Variants in ADAMTS6 observed in about 807,000 individuals in gnomAD.
The protein encoded by ADAMTS6 is A disintegrin and metalloproteinase with thrombospondin motifs 6.
In ADAMTS6, 23 loss-of-function variants were observed where a neutral mutation model predicts 144.3. That is an observed-to-expected ratio of 0.16 (90% CI 0.11 to 0.23). The LOEUF (loss-of-function observed/expected upper bound fraction) is 0.23. Among genes scored for constraint, ADAMTS6 ranks in the 10% least tolerant of loss-of-function variants. ADAMTS6 has a pLI of 1.00. For missense variants in ADAMTS6, 999 were observed against 1,379.6 expected (o/e 0.72, Z 4.37); for synonymous variants, 444 against 457.5 (o/e 0.97, Z 0.38).
rs567652523 is a variant in ADAMTS6 at position 65,310,823 on chromosome 5, G to A, written c.1224-10692C>T. On this transcript the variant is annotated intron_variant, in intron 9 of 24. Coordinates refer to ENST00000381055, the MANE Select transcript of ADAMTS6 (RefSeq NM_197941.4). Reference sequence around the variant, plus strand: ...TAAGTATTATCAAAAAGTTCTATAGGTAAATGACTCTGATTTTATTTTATG... The same window carrying A: ...TAAGTATTATCAAAAAGTTCTATAGATAAATGACTCTGATTTTATTTTATG... Among the ~76,000 whole-genome samples, 3 of 152,212 alleles carry A rather than the reference G, an allele frequency of 2.0e-5. No homozygotes were observed. In the East Asian group the frequency reaches 5.8e-4, roughly 29 times the overall value.
chr5:65,376,021 A>G, intron 7 of ADAMTS6, among the ~76,000 whole-genome samples: 1 of 151,978 alleles, frequency 6.6e-6, no homozygotes, highest in Non-Finnish European at 1.5e-5. Context: ...ACAAAAAAAC[A>G]AAGACCGCAT....
At chr5:65,350,991 G>A (rs1163149821) in intron 7 of ADAMTS6, among the ~76,000 whole-genome samples, 5 of 151,824 alleles carry the variant, frequency 3.3e-5, no homozygotes, top group African/African-American at 1.2e-4. Context: ...TGGACTTTAT[G>A]CTATTTTCCC....
At chr5:65,404,794 T>G (rs1214391752) in intron 7 of ADAMTS6, among the ~76,000 whole-genome samples, 1 of 152,212 alleles carries the variant, frequency 6.6e-6, no homozygotes, top group Non-Finnish European at 1.5e-5. Flanking sequence ...CTCCACATCC[T>G]CTCCAGCACC....
intron 11 of ADAMTS6, among the ~76,000 whole-genome samples, chr5:65,285,491 T>C (rs1355245696): frequency 6.6e-6 from 1 of 152,170 alleles, no homozygotes; most frequent in African/African-American, 2.4e-5. Flanking sequence ...CTTCCCCTCA[T>C]GGCAGTTACA....
chr5:65,451,157 T>C (rs1019367160), intron 7 of ADAMTS6, among the ~76,000 whole-genome samples: 2 of 152,216 alleles, frequency 1.3e-5, no homozygotes, highest in Non-Finnish European at 2.9e-5. Flanking sequence ...GTTTTAATCT[T>C]GTTTTAGTAT....
chr5:65,299,794 T>C (rs1251009924), intron 10 of ADAMTS6, among the ~76,000 whole-genome samples, 191 bp downstream of exon 10: 1 of 146,902 alleles, frequency 6.8e-6, no homozygotes, highest in Non-Finnish European at 1.5e-5. Flanking sequence ...CCACTTCCTC[T>C]ATTCTATAAA....
At chr5:65,347,732 T>C (rs1056433454) in intron 7 of ADAMTS6, among the ~76,000 whole-genome samples, 3 of 151,848 alleles carry the variant, frequency 2.0e-5, no homozygotes, top group Admixed American at 1.3e-4. Flanking sequence ...TAGGAGAAAA[T>C]ATTTTAAACC....
At chr5:65,179,358 A>C (rs1042812560) in intron 22 of ADAMTS6, among the ~76,000 whole-genome samples, 1 of 152,312 alleles carries the variant, frequency 6.6e-6, no homozygotes. Flanking sequence ...GTTATGACCC[A>C]TCTGAGCCTC....
intron 11 of ADAMTS6, among the ~76,000 whole-genome samples, chr5:65,278,814 A>G (rs1228521294): frequency 6.6e-6 from 1 of 152,218 alleles, no homozygotes; most frequent in African/African-American, 2.4e-5. Context: ...TGATATTTAA[A>G]TTGAATATAC....
At chr5:65,333,085 T>C (rs932420072) in intron 8 of ADAMTS6, among the ~76,000 whole-genome samples, 3 of 152,156 alleles carry the variant, frequency 2.0e-5, no homozygotes, top group African/African-American at 7.2e-5. Context: ...CTTTGCAAAA[T>C]GCTTGTGAGG....
intron 11 of ADAMTS6, among the ~76,000 whole-genome samples, chr5:65,285,674 AATAG>A (rs1561377603): frequency 6.6e-6 from 1 of 152,110 alleles, no homozygotes; most frequent in Non-Finnish European, 1.5e-5. Flanking sequence ...AAACAAGTAA[AATAG>A]ATAGTATGTC....
intron 11 of ADAMTS6, among the ~76,000 whole-genome samples, chr5:65,288,284 T>C (rs1287079683): frequency 6.7e-6 from 1 of 149,984 alleles, no homozygotes; most frequent in Non-Finnish European, 1.5e-5. Flanking sequence ...TCGGTAGTTC[T>C]TTTTTTTTCT....
At chr5:65,152,075 G>GGTTTTT in intron 24 of ADAMTS6, 130 bp from the exon 25 acceptor site, 2 of 655,538 alleles carry the variant, frequency 3.1e-6, no homozygotes, top group South Asian at 4.7e-5. Context: ...ACCTCCATGT[G>GGTTTTT]GTTTTTGTTT....
chr5:65,269,717 T>G (rs1761909318), intron 12 of ADAMTS6, among the ~76,000 whole-genome samples: 1 of 152,268 alleles, frequency 6.6e-6, no homozygotes, highest in South Asian at 2.1e-4. Context: ...CTACCTCATA[T>G]GATTTCTCTT....
intron 8 of ADAMTS6, 86 bp from the exon 9 acceptor site, chr5:65,329,569 T>A: frequency 8.5e-7 from 1 of 1,175,100 alleles, no homozygotes; most frequent in African/African-American, 1.6e-5. Flanking sequence ...TGGATTCTTT[T>A]TAATAACCTC....
intron 3 of ADAMTS6, among the ~76,000 whole-genome samples, chr5:65,468,878 G>A (rs1424762748): frequency 1.3e-5 from 2 of 152,172 alleles, no homozygotes; most frequent in Admixed American, 6.5e-5. Flanking sequence ...AAACTTCAGA[G>A]CTACATTTCT....
chr5:65,465,857 G>A (rs893472155), intron 3 of ADAMTS6, among the ~76,000 whole-genome samples: 1 of 152,108 alleles, frequency 6.6e-6, no homozygotes, highest in Admixed American at 6.6e-5. Flanking sequence ...AATGCCCAAG[G>A]GCTCAGTCCT....
At chr5:65,308,046 T>A (rs6866187) in intron 9 of ADAMTS6, among the ~76,000 whole-genome samples, 1 of 152,150 alleles carries the variant, frequency 6.6e-6, no homozygotes, top group African/African-American at 2.4e-5. Context: ...ACCAAACTAG[T>A]AAAGTTCTCA....
intron 10 of ADAMTS6, among the ~76,000 whole-genome samples, chr5:65,293,287 TA>T (rs1202330115): frequency 2.6e-5 from 4 of 151,980 alleles, no homozygotes; most frequent in Non-Finnish European, 5.9e-5. Flanking sequence ...AAAAATAAAA[TA>T]ACAAGTTAAG....
Sources: gnomAD v4.1 joint callset for allele counts (sites outside exome capture counted in the v4.1 genomes callset) on GRCh38, gnomAD v4.1.1 for gene constraint, MANE v1.5 for transcripts, NCBI Gene and HGNC (gene_info 2026-07-23, HGNC 2026-07-21) for gene names.